The following SUN2 variants were observed in gnomAD, a reference collection of about 807,000 sequenced individuals.
SUN2 encodes Sad1 and UNC84 domain containing 2.
SUN2 carries 60 observed loss-of-function variants against 100.0 expected under a neutral mutation model. That is an observed-to-expected ratio of 0.60 (90% CI 0.49 to 0.74). The LOEUF is 0.74. SUN2 is among the 30% of genes least tolerant of loss of function. SUN2 has a pLI of 0.00. For synonymous variants in SUN2, 367 were observed against 403.3 expected (o/e 0.91, Z 1.08); for missense variants, 834 against 954.6 (o/e 0.87, Z 1.66).
chr22:38,748,741 C>A lies in SUN2; in HGVS notation c.657G>T (p.Pro219=). ...ACGTCAGGCACGTCAGCAAGAGCAGCGGCAGCAGGAACCAGAGGAACGTCT... is the reference window on the plus strand; with the variant it reads ...ACGTCAGGCACGTCAGCAAGAGCAGAGGCAGCAGGAACCAGAGGAACGTCT... ...SLKTFLWFLL[P]LLLLTCLTYG... Residue 219 remains proline (P), a synonymous_variant, in exon 7 of 18, where the codon CCG becomes CCT. Transcript: ENST00000689035. 1 of 1,614,166 alleles carries A rather than the reference C, an allele frequency of 6.2e-7. No homozygotes were observed. The highest frequency in any genetic ancestry group is 8.5e-7 in the Non-Finnish European group (1 of 1,180,032).
intron 1 of SUN2, among the ~76,000 whole-genome samples, 154 bp from the exon 2 acceptor site, chr22:38,752,819 G>A (rs2092957441): frequency 6.6e-6 from 1 of 151,870 alleles, no homozygotes; most frequent in African/African-American, 2.4e-5. Context: ...AGCCCTGATG[G>A]GGGGCAAGGC....
At position 38,738,196 on chromosome 22, in the gene SUN2, G is replaced by T. The variant is rs367828475; in HGVS notation, c.2017C>A (p.Pro673Thr). 30 of 1,613,796 alleles carry T rather than the reference G, an allele frequency of 1.9e-5. No homozygotes were observed. The highest frequency in any genetic ancestry group is 2.5e-5 in the Non-Finnish European group (30 of 1,180,004). ...ACCTGAAAGTGAAACGTCTGAATAGGCTCGCCGTCCTGATCGTAAGTGAAC... is the reference window on the plus strand; with the variant it reads ...ACCTGAAAGTGAAACGTCTGAATAGTCTCGCCGTCCTGATCGTAAGTGAAC... ...GKFTYDQDGE[P>T]IQTFHFQAPT... The change falls in exon 17 of 18, where the codon CCT becomes ACT. Residue 673 changes from proline to threonine, a missense_variant. Physicochemically the swap from Pro to Thr is conservative, Grantham distance 38. This residue lies in a region of SUN2 where 80 missense variants were observed against 76.7 expected (regional missense o/e 1.04). Transcript: ENST00000689035. The surrounding 1 kb of genome is among the most constrained non-coding windows in gnomAD (Gnocchi z 6.6).
chr22:38,741,763 C>T (rs2092859730), intron 9 of SUN2, among the ~76,000 whole-genome samples, 192 bp from the exon 10 acceptor site: 1 of 152,212 alleles, frequency 6.6e-6, no homozygotes, highest in South Asian at 2.1e-4. Context: ...AGGTACCATG[C>T]TGGGGCTTTC....
At chr22:38,747,438 G>C (rs1350197645) in intron 7 of SUN2, among the ~76,000 whole-genome samples, 1 of 151,922 alleles carries the variant, frequency 6.6e-6, no homozygotes, top group African/African-American at 2.4e-5. Flanking sequence ...CAAAAACGAA[G>C]CTAACTTTTG....
At chr22:38,754,833 C>T in intron 1 of SUN2, 2 of 1,288,016 alleles carry the variant, frequency 1.6e-6, no homozygotes, top group Non-Finnish European at 2.0e-6. Context: ...CCTCCGCCCT[C>T]CCAGAACTCC....
Position 38,740,894 on chromosome 22 carries a change from G to T in SUN2, c.1190+113C>A, listed in dbSNP as rs2092851455. 2 of 1,207,638 alleles carry T rather than the reference G, an allele frequency of 1.7e-6. No individual in the cohort carries two copies. Among genetic ancestry groups the T allele is most frequent in the Non-Finnish European group, 1.2e-6 (1 of 846,128 alleles). 74.8% of individuals were successfully genotyped at this position (1,207,638 alleles called of 1,614,324 possible). ...GTTTCAACCCCTCCCCCTACCATCT[G>T]CTTGGCAAGATGATCAGAACTCTCT... is the stretch of plus-strand genomic sequence containing the variant. On this transcript the variant is annotated intron_variant, in intron 11 of 17. Coordinates refer to ENST00000689035, the MANE Select transcript of SUN2 (RefSeq NM_015374.3). This position sits in a 1 kb window ranked among gnomAD's most constrained non-coding sequence, Gnocchi z 4.8.
At chr22:38,746,993 G>A (rs1470350546) in intron 7 of SUN2, among the ~76,000 whole-genome samples, 1 of 147,892 alleles carries the variant, frequency 6.8e-6, no homozygotes, top group African/African-American at 2.5e-5. Flanking sequence ...AAGATCGCAC[G>A]ACTGCACTCC....
chr22:38,747,693 G>A (rs1347877489), intron 7 of SUN2, among the ~76,000 whole-genome samples: 4 of 152,016 alleles, frequency 2.6e-5, no homozygotes, highest in Non-Finnish European at 4.4e-5. Context: ...CTGTAATCCC[G>A]ACACTTTGGG....
At chr22:38,744,137 C>T (rs920410209) in intron 8 of SUN2, among the ~76,000 whole-genome samples, 5 of 151,318 alleles carry the variant, frequency 3.3e-5, no homozygotes, top group East Asian at 1.9e-4. Context: ...CTACTCGGGA[C>T]GCTGAGGCGG....
intron 7 of SUN2, among the ~76,000 whole-genome samples, chr22:38,747,152 C>T (rs904670424): frequency 4.7e-5 from 7 of 150,326 alleles, no homozygotes; most frequent in East Asian, 4.0e-4. Flanking sequence ...GCCAACATGG[C>T]GAAACCCCGT....
At chr22:38,736,568 G>T in intron 17 of SUN2, 188 bp from the exon 18 acceptor site, 1 of 478,352 alleles carries the variant, frequency 2.1e-6, no homozygotes, top group Non-Finnish European at 3.7e-6. Flanking sequence ...CCAGCCAGTG[G>T]GTTAAGGGGC....
In SUN2 at chr22:38,751,214, G is replaced by T. The variant is rs750454076; in HGVS notation, c.282C>A (p.Asn94Lys). 9.3e-6 allele frequency: 15 copies of T among 1,612,428 alleles called. No homozygotes were observed. The highest frequency in any genetic ancestry group is 6.7e-5 in the East Asian group (3 of 44,834). ...SSLEELHGDA[N>K]WGEDLRVRRR... ...GACGGAGGGCTCCACACTCACCCCA[G>T]TTGGCGTCACCATGCAGTTCCTCCA... Residue 94 changes from asparagine to lysine, a missense_variant, in exon 3 of 18, where the codon AAC becomes AAA. Physicochemically the swap from Asn to Lys is moderately conservative, Grantham distance 94 (BLOSUM62 0). This residue lies in a region of SUN2 where 559 missense variants were observed against 597.7 expected (regional missense o/e 0.94). Coordinates refer to ENST00000689035, the MANE Select transcript of SUN2 (RefSeq NM_015374.3).
Position 38,749,809 on chromosome 22 carries a change from G to A in SUN2, c.571C>T (p.Leu191=). 3 of 1,614,108 alleles carry A rather than the reference G, an allele frequency of 1.9e-6. No individual in the cohort carries two copies. The South Asian group carries it at 3.3e-5, about 18-fold the overall frequency. Residue 191 remains leucine, a synonymous_variant, in exon 6 of 18, where the codon CTG becomes TTG. Transcript: ENST00000689035. ...TCAAGGAGGGAGGCAGCTGTGGTCAGGCGGTACCAGGTGGTGCCAGCCCAC... is the reference window on the plus strand; with the variant it reads ...TCAAGGAGGGAGGCAGCTGTGGTCAAGCGGTACCAGGTGGTGCCAGCCCAC... ...YWWAGTTWYR[L]TTAASLLDVF...
intron 1 of SUN2, among the ~76,000 whole-genome samples, chr22:38,754,467 G>A (rs1024711748): frequency 6.6e-6 from 1 of 152,194 alleles, no homozygotes; most frequent in African/African-American, 2.4e-5. Flanking sequence ...GGCCTTGTTG[G>A]CATCTTCCCA....
rs1328164107 is a variant in SUN2, at chr22:38,752,134, C to T, written c.122+373G>A. Reference sequence around the variant, plus strand: ...GGATTACAGCTGCCTGCCACCATGCCGGGCTAATTTTTGTATTTTTAGTAG... The same window carrying T: ...GGATTACAGCTGCCTGCCACCATGCTGGGCTAATTTTTGTATTTTTAGTAG... On this transcript the variant is annotated intron_variant, in intron 2 of 17. Transcript: ENST00000689035. Among the ~76,000 whole-genome samples the T allele has an allele frequency of 5.9e-5, 9 of 152,260 alleles. No individual in the cohort carries two copies. In the East Asian group the frequency reaches 1.2e-3, roughly 20 times the overall value.
chr22:38,750,424 C>T, intron 4 of SUN2, 104 bp from the exon 5 acceptor site: 1 of 1,544,930 alleles, frequency 6.5e-7, no homozygotes, highest in Non-Finnish European at 8.8e-7. Flanking sequence ...TCCTTCACAT[C>T]CCCACAGCCC....
Position 38,738,901 on chromosome 22 carries a change from T to G in SUN2, c.1751A>C (p.His584Pro). 6.2e-7 allele frequency: 1 copy of G among 1,608,524 alleles called. No individual in the cohort carries two copies. Residue 584 changes from histidine to proline, a missense_variant, in exon 15 of 18, where the codon CAC becomes CCC. His to Pro is a moderately conservative substitution (Grantham distance 77). Transcript: ENST00000689035. This position sits in a 1 kb window ranked among gnomAD's most constrained non-coding sequence, Gnocchi z 6.6. ...LSLFGIPLWY[H>P]SQSPRVILQP... ...GAGGATGACTCGGGGTGACTGGGAGTGGTACCACAGGGGGATGCCGAAGAG... is the reference window on the plus strand; with the variant it reads ...GAGGATGACTCGGGGTGACTGGGAGGGGTACCACAGGGGGATGCCGAAGAG...
intron 3 of SUN2, 85 bp from the exon 4 acceptor site, chr22:38,751,120 G>A: frequency 6.2e-7 from 1 of 1,609,400 alleles, no homozygotes; most frequent in Non-Finnish European, 8.5e-7. Flanking sequence ...CTCTGAGGAG[G>A]GAATCCCGGG....
chr22:38,754,629 G>T (rs111258079), intron 1 of SUN2: 8 of 847,686 alleles, frequency 9.4e-6, no homozygotes, highest in Admixed American at 3.9e-5. Context: ...TGCCCCGCCC[G>T]TACGGTCCCT....
Sources: gnomAD v4.1 joint callset for allele counts (sites outside exome capture counted in the v4.1 genomes callset) on GRCh38, gnomAD v4.1.1 for gene constraint, gnomAD v4.1.1 regional missense constraint, Gnocchi (gnomAD v3.1) non-coding constraint, MANE v1.5 for transcripts, NCBI Gene and HGNC (gene_info 2026-07-23, HGNC 2026-07-21) for gene names.